Variants in SNTG1 observed in about 807,000 individuals in gnomAD.
SNTG1 encodes gamma-1-syntrophin.
A neutral mutation model predicts 74.7 loss-of-function variants in SNTG1; 39 were observed. The ratio of observed to expected loss-of-function variants is 0.52; its 90% confidence interval spans 0.40 to 0.68. SNTG1 has a LOEUF of 0.68. Among genes scored for constraint, SNTG1 ranks in the 30% least tolerant of loss-of-function variants. The pLI is 0.00. For missense variants in SNTG1, 685 were observed against 609.5 expected (o/e 1.12, Z -1.30); for synonymous variants, 254 against 217.1 (o/e 1.17, Z -1.49).
chr8:50,603,628 T>C (rs1230900895), intron 13 of SNTG1, among the ~76,000 whole-genome samples: 1 of 152,162 alleles, frequency 6.6e-6, no homozygotes, highest in Non-Finnish European at 1.5e-5. Context: ...GTCCTCACAG[T>C]CTAGGCTTGT....
intron 2 of SNTG1, among the ~76,000 whole-genome samples, chr8:50,331,232 T>G (rs1368074253): frequency 6.6e-6 from 1 of 152,130 alleles, no homozygotes; most frequent in Non-Finnish European, 1.5e-5. Context: ...GCTTGTTGTA[T>G]TTTTTACTAA....
intron 4 of SNTG1, among the ~76,000 whole-genome samples, chr8:50,424,317 A>AACAG (rs1454207879): frequency 9.2e-5 from 14 of 152,192 alleles, no homozygotes; most frequent in African/African-American, 3.4e-4. Flanking sequence ...CAAACAAACA[A>AACAG]AAACAAAAAA....
intron 4 of SNTG1, among the ~76,000 whole-genome samples, chr8:50,427,419 A>G (rs1411002899): frequency 6.6e-6 from 1 of 152,150 alleles, no homozygotes; most frequent in African/African-American, 2.4e-5. Flanking sequence ...AAATATGTAT[A>G]TATACACTTT....
chr8:50,601,928 A>G (rs1007586661), intron 13 of SNTG1, among the ~76,000 whole-genome samples: 3 of 152,112 alleles, frequency 2.0e-5, no homozygotes, highest in African/African-American at 4.8e-5. Context: ...TGGTATAAGT[A>G]TAGCTACTTC....
intron 1 of SNTG1, among the ~76,000 whole-genome samples, chr8:50,170,090 T>C (rs183757904): frequency 1.2e-4 from 18 of 152,318 alleles, no homozygotes; most frequent in South Asian, 6.2e-4. Flanking sequence ...GTGAGAGTGG[T>C]ACTTTGGACA....
At chr8:50,588,886 T>A (rs193150505) in intron 12 of SNTG1, among the ~76,000 whole-genome samples, 2 of 152,256 alleles carry the variant, frequency 1.3e-5, no homozygotes, top group East Asian at 3.9e-4. Flanking sequence ...AATCTACACA[T>A]AATTTCTAAA....
At chr8:50,481,978 A>G (rs1417624067) in intron 8 of SNTG1, among the ~76,000 whole-genome samples, 1 of 152,188 alleles carries the variant, frequency 6.6e-6, no homozygotes, top group African/African-American at 2.4e-5. Context: ...TGCATGCAAC[A>G]TGTTATGGAC....
At chr8:50,400,137 T>C (rs2092783568) in intron 3 of SNTG1, among the ~76,000 whole-genome samples, 1 of 152,192 alleles carries the variant, frequency 6.6e-6, no homozygotes, top group South Asian at 2.1e-4. Flanking sequence ...TCTTTTAAAG[T>C]AGCAGACTCC....
intron 2 of SNTG1, among the ~76,000 whole-genome samples, chr8:50,219,679 A>G (rs570394902): frequency 2.0e-5 from 3 of 152,172 alleles, no homozygotes; most frequent in Non-Finnish European, 4.4e-5. Flanking sequence ...GAACTCACTC[A>G]CTATCATGAG....
intron 2 of SNTG1, among the ~76,000 whole-genome samples, chr8:50,254,523 G>A (rs965070044): frequency 6.6e-5 from 10 of 151,994 alleles, no homozygotes; most frequent in African/African-American, 2.2e-4. Flanking sequence ...ACTATGACAA[G>A]ACTAAAAGAT....
chr8:49,966,401 A>C (rs181728003), intron 1 of SNTG1, among the ~76,000 whole-genome samples: 2 of 145,702 alleles, frequency 1.4e-5, no homozygotes, highest in Non-Finnish European at 3.0e-5. Context: ...TAATTAATTA[A>C]TTTTTTTTTT....
chr8:50,220,178 T>C (rs2084993591), intron 2 of SNTG1, among the ~76,000 whole-genome samples: 2 of 152,062 alleles, frequency 1.3e-5, no homozygotes, highest in South Asian at 2.1e-4. Context: ...GATACCACAA[T>C]CCTCAACATC....
At chr8:50,084,491 A>C (rs1319991789) in intron 1 of SNTG1, among the ~76,000 whole-genome samples, 2 of 152,156 alleles carry the variant, frequency 1.3e-5, no homozygotes, top group Non-Finnish European at 2.9e-5. Context: ...GTAGACTGTA[A>C]AACTAATTTT....
intron 4 of SNTG1, among the ~76,000 whole-genome samples, chr8:50,433,715 C>A (rs1435687173): frequency 1.3e-5 from 2 of 152,052 alleles, no homozygotes; most frequent in African/African-American, 2.4e-5. Flanking sequence ...ATTCATTTAA[C>A]ATTTTAATAC....
intron 2 of SNTG1, among the ~76,000 whole-genome samples, chr8:50,337,782 C>CT: frequency 6.6e-6 from 1 of 152,280 alleles, no homozygotes; most frequent in South Asian, 2.1e-4. Flanking sequence ...ATCAACAAGG[C>CT]TGTAGCATAA....
intron 2 of SNTG1, among the ~76,000 whole-genome samples, chr8:50,370,967 T>G (rs2092254561): frequency 6.6e-6 from 1 of 152,184 alleles, no homozygotes; most frequent in African/African-American, 2.4e-5. Flanking sequence ...TTTAATAATT[T>G]GTTTAATAGG....
chr8:50,659,426 C>T (rs2095205150), intron 15 of SNTG1, among the ~76,000 whole-genome samples: 1 of 152,090 alleles, frequency 6.6e-6, no homozygotes, highest in African/African-American at 2.4e-5. Context: ...AGCTAATTTC[C>T]CTTTGCTTTA....
Position 50,484,102 on chromosome 8 carries a change from C to CTTTCTTTCTT in SNTG1, c.364-18675_364-18674insTTCTTTCTTT, listed in dbSNP as rs1323657665. On this transcript the variant is annotated intron_variant, in intron 8 of 18. Coordinates refer to ENST00000642720, the MANE Select transcript of SNTG1 (RefSeq NM_018967.5). Reference sequence around the variant, plus strand: ...TCTTTTTCTTTCTCTCTTTCTTTCTCTCTTTCTTTCTTTCTTTCTTTCTTT... The same window carrying CTTTCTTTCTT: ...TCTTTTTCTTTCTCTCTTTCTTTCTCTTTCTTTCTTTCTTTCTTTCTTTCTTTCTTTCTTT... 2.7e-4 allele frequency among the ~76,000 whole-genome samples: 30 copies of CTTTCTTTCTT among 110,866 alleles called. No individual in the cohort carries two copies. In the East Asian group the frequency reaches 2.8e-3, roughly 10 times the overall value. 72.7% of individuals were successfully genotyped at this position (110,866 alleles called of 152,430 possible). A position where few individuals can be genotyped will look rare whatever the true frequency, so the allele number is the denominator to read the frequency against.
chr8:50,660,095 C>A (rs1311753511), intron 15 of SNTG1, among the ~76,000 whole-genome samples: 1 of 152,052 alleles, frequency 6.6e-6, no homozygotes, highest in Non-Finnish European at 1.5e-5. Context: ...CTACCTCCGC[C>A]TCCCAAAGTG....
Sources: gnomAD v4.1 joint callset for allele counts (sites outside exome capture counted in the v4.1 genomes callset) on GRCh38, gnomAD v4.1.1 for gene constraint, MANE v1.5 for transcripts, NCBI Gene and HGNC (gene_info 2026-07-23, HGNC 2026-07-21) for gene names.